Variants in LRP1B observed in about 807,000 individuals in gnomAD.
The protein encoded by LRP1B is low-density lipoprotein receptor-related protein 1B.
LRP1B carries 217 observed loss-of-function variants against 556.6 expected under a neutral mutation model. The ratio of observed to expected loss-of-function variants is 0.39; its 90% CI spans 0.35 to 0.44. The LOEUF (loss-of-function observed/expected upper bound fraction) is 0.44, where lower values mean the gene tolerates loss of function less well. Among genes scored for constraint, LRP1B ranks in the 20% least tolerant of loss-of-function variants. The probability of loss-of-function intolerance (pLI) is 1.00; values close to 1 mark genes in which losing one functional copy is unlikely to be tolerated. For missense variants in LRP1B, 5,053 were observed against 5,620.8 expected (o/e 0.90, Z 3.23); for synonymous variants, 2,047 against 1,865.8 (o/e 1.10, Z -2.50).
At chr2:141,859,159 T>C (rs1429773986) in intron 1 of LRP1B, among the ~76,000 whole-genome samples, 1 of 152,206 alleles carries the variant, frequency 6.6e-6, no homozygotes, top group Non-Finnish European at 1.5e-5. Context: ...CATTGCTTCC[T>C]TTTCCCTCAT....
intron 20 of LRP1B, among the ~76,000 whole-genome samples, chr2:140,926,532 A>G (rs927849539): frequency 2.0e-5 from 3 of 151,966 alleles, no homozygotes; most frequent in Non-Finnish European, 4.4e-5. Context: ...CTGTACATAC[A>G]GGGTCTTACT....
rs150047801 is a variant in LRP1B, at chr2:140,472,081, C to A, written c.9625+3057G>T. ...GAATATTTTGCACCTACTTCTTACC[C>A]ACAATCTAATTTATGTCTTTACCTG... On this transcript the variant is annotated intron_variant, in intron 60 of 90. Transcript: ENST00000389484. Among the ~76,000 whole-genome samples, 25 of 152,292 alleles carry A rather than the reference C, an allele frequency of 1.6e-4. No individual in the cohort carries two copies. In the East Asian group the frequency reaches 4.8e-3, roughly 29 times the overall value.
intron 2 of LRP1B, 97 bp from the exon 3 acceptor site, chr2:141,480,630 A>G: frequency 8.4e-7 from 1 of 1,197,404 alleles, no homozygotes; most frequent in Middle Eastern, 2.0e-4. Context: ...TTACAAAACA[A>G]AACTATAGAA....
intron 3 of LRP1B, among the ~76,000 whole-genome samples, chr2:141,319,597 C>T (rs1430054437): frequency 6.6e-6 from 1 of 151,922 alleles, no homozygotes; most frequent in Non-Finnish European, 1.5e-5. Context: ...ATTAATTTGA[C>T]CTTGAATAAG....
chr2:141,644,550 TA>T (rs1558776401), intron 2 of LRP1B, among the ~76,000 whole-genome samples: 1 of 152,154 alleles, frequency 6.6e-6, no homozygotes. Context: ...CATGACTAGT[TA>T]AATTAAAATT....
intron 5 of LRP1B, among the ~76,000 whole-genome samples, chr2:141,243,151 T>TC (rs995347021): frequency 6.6e-5 from 10 of 151,246 alleles, no homozygotes; most frequent in African/African-American, 9.7e-5. Flanking sequence ...TTTTATTTTT[T>TC]TTTTCATATG....
intron 1 of LRP1B, among the ~76,000 whole-genome samples, chr2:142,007,284 A>G (rs1424529695): frequency 6.6e-6 from 1 of 152,198 alleles, no homozygotes; most frequent in Admixed American, 6.5e-5. Context: ...TCCCTCTTGC[A>G]AAAGTTTCTT....
intron 59 of LRP1B, among the ~76,000 whole-genome samples, chr2:140,477,261 G>T (rs1688014345): frequency 1.3e-5 from 2 of 151,904 alleles, no homozygotes; most frequent in African/African-American, 4.8e-5. Context: ...AATACTTTTT[G>T]ATTTATCTGA....
intron 1 of LRP1B, among the ~76,000 whole-genome samples, chr2:141,861,361 C>T (rs139132478): frequency 7.2e-5 from 11 of 152,182 alleles, no homozygotes; most frequent in Non-Finnish European, 1.6e-4. Context: ...TGATTAACAA[C>T]TTCTACAATA....
At chr2:141,608,964 A>G (rs962001779) in intron 2 of LRP1B, among the ~76,000 whole-genome samples, 1 of 152,154 alleles carries the variant, frequency 6.6e-6, no homozygotes, top group Non-Finnish European at 1.5e-5. Flanking sequence ...GACCTGAGAG[A>G]TTTATTTGCT....
chr2:140,276,495 G>A (rs1252420854), intron 84 of LRP1B, among the ~76,000 whole-genome samples: 1 of 151,848 alleles, frequency 6.6e-6, no homozygotes, highest in African/African-American at 2.4e-5. Flanking sequence ...TAGGCTTGGA[G>A]GGTATATATA....
intron 32 of LRP1B, among the ~76,000 whole-genome samples, chr2:140,800,124 C>T (rs1194813109): frequency 2.6e-5 from 4 of 152,140 alleles, no homozygotes; most frequent in Admixed American, 1.3e-4. Flanking sequence ...TGAAAACCAT[C>T]ATTCTCAGCA....
intron 6 of LRP1B, among the ~76,000 whole-genome samples, chr2:141,226,382 C>A (rs771948114): frequency 2.0e-5 from 3 of 152,104 alleles, no homozygotes; most frequent in Middle Eastern, 3.4e-3. Flanking sequence ...CAGTGGGTAT[C>A]CAGTGAGATG....
At chr2:141,547,047 G>T (rs1685580551) in intron 2 of LRP1B, among the ~76,000 whole-genome samples, 1 of 152,078 alleles carries the variant, frequency 6.6e-6, no homozygotes, top group Non-Finnish European at 1.5e-5. Flanking sequence ...ATCTTTTGTT[G>T]TCTAAGCTGG....
intron 18 of LRP1B, among the ~76,000 whole-genome samples, chr2:140,962,169 T>C (rs553756476): frequency 6.6e-5 from 10 of 152,200 alleles, no homozygotes; most frequent in African/African-American, 1.4e-4. Flanking sequence ...AATTTACATA[T>C]ACAAAAGCAG....
rs566043621 is a variant in LRP1B, at chr2:140,993,728, G to A, written c.2644+267C>T. Among the ~76,000 whole-genome samples the A allele has an allele frequency of 1.8e-4, 27 of 152,060 alleles. No homozygotes were observed. The South Asian group carries it at 3.9e-3, about 22-fold the overall frequency. On this transcript the variant is annotated intron_variant, in intron 16 of 90. Coordinates refer to ENST00000389484, the MANE Select transcript of LRP1B (RefSeq NM_018557.3). Reference sequence around the variant, plus strand: ...CAACCTCTGACAGTGGCATGGTGGCGCTGATATCATGGAATGTAAAAGGAG... The same window carrying A: ...CAACCTCTGACAGTGGCATGGTGGCACTGATATCATGGAATGTAAAAGGAG...
At chr2:140,930,985 A>G (rs1473575522) in intron 20 of LRP1B, among the ~76,000 whole-genome samples, 2 of 152,040 alleles carry the variant, frequency 1.3e-5, no homozygotes, top group African/African-American at 4.8e-5. Flanking sequence ...TATACCCCTA[A>G]GGAGTTTAGC....
chr2:142,127,261 A>T (rs1164683116), intron 1 of LRP1B, among the ~76,000 whole-genome samples: 1 of 151,904 alleles, frequency 6.6e-6, no homozygotes, highest in Non-Finnish European at 1.5e-5. Flanking sequence ...AAATATTTTC[A>T]TATAATGTTT....
At chr2:140,648,236 CAA>C (rs1223309326) in intron 41 of LRP1B, among the ~76,000 whole-genome samples, 3 of 151,210 alleles carry the variant, frequency 2.0e-5, no homozygotes, top group Non-Finnish European at 4.4e-5. Flanking sequence ...GGGAAGTGAA[CAA>C]TGAGAACACT....
Sources: gnomAD v4.1 joint callset for allele counts (sites outside exome capture counted in the v4.1 genomes callset) on GRCh38, gnomAD v4.1.1 for gene constraint, MANE v1.5 for transcripts, NCBI Gene and HGNC (gene_info 2026-07-23, HGNC 2026-07-21) for gene names.